The following NKAIN2 variants were observed in gnomAD, a reference collection of about 807,000 sequenced individuals.
NKAIN2 encodes the protein sodium/potassium transporting ATPase interacting 2, also known as sodium/potassium-transporting ATPase subunit beta-1-interacting protein 2.
In NKAIN2, 14 loss-of-function variants were observed where a neutral mutation model predicts 32.6. The ratio of observed to expected loss-of-function variants is 0.43; its 90% CI spans 0.28 to 0.67. NKAIN2 has a LOEUF of 0.67. Ranked by LOEUF, NKAIN2 falls within the 30% of genes least tolerant of loss-of-function variation. The pLI, the probability that NKAIN2 is intolerant of heterozygous loss-of-function variation, is 0.17. For synonymous variants in NKAIN2, 80 were observed against 87.2 expected (o/e 0.92, Z 0.46); for missense variants, 198 against 258.3 (o/e 0.77, Z 1.60).
intron 4 of NKAIN2, among the ~76,000 whole-genome samples, chr6:124,693,281 T>C (rs2114544720): frequency 6.6e-6 from 1 of 152,332 alleles, no homozygotes; most frequent in East Asian, 1.9e-4. Context: ...TACAATTGCC[T>C]ACACCATTCA....
At chr6:123,991,625 G>C (rs1033627869) in intron 1 of NKAIN2, among the ~76,000 whole-genome samples, 1 of 152,132 alleles carries the variant, frequency 6.6e-6, no homozygotes, top group African/African-American at 2.4e-5. Context: ...CACTTTGGGA[G>C]GCCTAGGTGG....
intron 1 of NKAIN2, among the ~76,000 whole-genome samples, chr6:123,812,540 T>C (rs1773518859): frequency 1.3e-5 from 2 of 152,304 alleles, no homozygotes; most frequent in South Asian, 4.1e-4. Flanking sequence ...CAAGTCCAAT[T>C]GCTGATGTTG....
chr6:124,687,429 ATAC>A (rs1249659315), intron 4 of NKAIN2, among the ~76,000 whole-genome samples: 464 of 3,104 alleles, frequency 0.15, 29 homozygotes, highest in African/African-American at 0.37. Flanking sequence ...TATTCCATGT[ATAC>A]CATATACATA....
intron 4 of NKAIN2, among the ~76,000 whole-genome samples, chr6:124,678,616 T>C (rs956920945): frequency 1.3e-5 from 2 of 152,200 alleles, no homozygotes; most frequent in African/African-American, 4.8e-5. Context: ...TGTTCACCCA[T>C]TGTTTTCCTG....
chr6:123,912,113 T>C (rs1358664456), intron 1 of NKAIN2, among the ~76,000 whole-genome samples: 2 of 151,798 alleles, frequency 1.3e-5, no homozygotes, highest in East Asian at 1.9e-4. Context: ...CCAATTTCCA[T>C]GTTTTACCTT....
intron 1 of NKAIN2, among the ~76,000 whole-genome samples, chr6:124,012,967 C>T (rs1780403554): frequency 6.6e-6 from 1 of 152,036 alleles, no homozygotes; most frequent in Non-Finnish European, 1.5e-5. Flanking sequence ...ATGTGAATTC[C>T]AAATATCCTA....
chr6:124,680,061 C>A (rs1204059030), intron 4 of NKAIN2, among the ~76,000 whole-genome samples: 1 of 137,526 alleles, frequency 7.3e-6, no homozygotes, highest in Non-Finnish European at 1.6e-5. Flanking sequence ...CTCTTATGTG[C>A]TATATTTTCT....
chr6:123,939,655 G>T (rs1230292528), intron 1 of NKAIN2, among the ~76,000 whole-genome samples: 2 of 151,872 alleles, frequency 1.3e-5, no homozygotes, highest in Non-Finnish European at 2.9e-5. Context: ...AAAAAGTTGT[G>T]ATTGACAAAA....
At chr6:124,208,057 C>T (rs1790984901) in intron 1 of NKAIN2, among the ~76,000 whole-genome samples, 1 of 151,672 alleles carries the variant, frequency 6.6e-6, no homozygotes, top group South Asian at 2.1e-4. Flanking sequence ...AGGTTTTTGT[C>T]TTGGTGGCTG....
At chr6:124,389,089 T>C (rs1773034614) in intron 3 of NKAIN2, among the ~76,000 whole-genome samples, 2 of 152,120 alleles carry the variant, frequency 1.3e-5, no homozygotes, top group Non-Finnish European at 2.9e-5. Context: ...AAATTATATA[T>C]TGATGAATTC....
At chr6:124,289,419 G>C (rs1444797276) in intron 2 of NKAIN2, among the ~76,000 whole-genome samples, 1 of 152,010 alleles carries the variant, frequency 6.6e-6, no homozygotes, top group Non-Finnish European at 1.5e-5. Flanking sequence ...ACATGGTAAA[G>C]GATCCCCATG....
At chr6:123,911,810 T>TACACAAAC (rs1375455189) in intron 1 of NKAIN2, among the ~76,000 whole-genome samples, 1 of 94,312 alleles carries the variant, frequency 1.1e-5, no homozygotes, top group African/African-American at 5.6e-5. Flanking sequence ...TGTATATATA[T>TACACAAAC]ATACACACAC....
At chr6:123,909,200 C>G (rs957087547) in intron 1 of NKAIN2, among the ~76,000 whole-genome samples, 4 of 152,124 alleles carry the variant, frequency 2.6e-5, no homozygotes, top group Non-Finnish European at 5.9e-5. Flanking sequence ...AATCTGTGCC[C>G]TATCTACCAT....
At chr6:124,143,610 T>G (rs996649114) in intron 1 of NKAIN2, among the ~76,000 whole-genome samples, 1 of 152,210 alleles carries the variant, frequency 6.6e-6, no homozygotes, top group African/African-American at 2.4e-5. Context: ...TTGGAATATG[T>G]CAAGATGACT....
At chr6:124,653,739 AT>A (rs1784446843) in intron 3 of NKAIN2, among the ~76,000 whole-genome samples, 2 of 152,164 alleles carry the variant, frequency 1.3e-5, no homozygotes, top group African/African-American at 4.8e-5. Flanking sequence ...GGTAGAAAAT[AT>A]TGCAAAAGAC....
chr6:123,993,886 A>G (rs1486565504), intron 1 of NKAIN2, among the ~76,000 whole-genome samples: 1 of 152,204 alleles, frequency 6.6e-6, no homozygotes, highest in Non-Finnish European at 1.5e-5. Flanking sequence ...CCATGCTACA[A>G]CTAAAATATA....
intron 1 of NKAIN2, among the ~76,000 whole-genome samples, chr6:123,902,640 A>G (rs1774659311): frequency 6.6e-6 from 1 of 152,214 alleles, no homozygotes. Context: ...ATGATTGCAG[A>G]ATTAATTTAA....
At chr6:124,059,284 G>A (rs777957106) in intron 1 of NKAIN2, among the ~76,000 whole-genome samples, 6 of 151,868 alleles carry the variant, frequency 4.0e-5, no homozygotes, top group Non-Finnish European at 8.8e-5. Flanking sequence ...CTTATGTCTT[G>A]GGCACCTTCT....
rs1014394166 is a variant in NKAIN2 at position 124,046,872 on chromosome 6, A to G, written c.55-236133A>G. ...CAAAGAAATATAACTTTTCTAATCT[A>G]TGCCAGAATGCAATTTCTAAATCCA... is the stretch of plus-strand genomic sequence containing the variant. On this transcript the variant is annotated intron_variant, in intron 1 of 6. Coordinates refer to ENST00000368417, the MANE Select transcript of NKAIN2 (RefSeq NM_001040214.3). Among the ~76,000 whole-genome samples, 3 of 152,024 alleles carry G rather than the reference A, an allele frequency of 2.0e-5. No individual in the cohort carries two copies. In the South Asian group the frequency reaches 6.2e-4, roughly 32 times the overall value.
Sources: gnomAD v4.1 joint callset for allele counts (sites outside exome capture counted in the v4.1 genomes callset) on GRCh38, gnomAD v4.1.1 for gene constraint, MANE v1.5 for transcripts, NCBI Gene and HGNC (gene_info 2026-07-23, HGNC 2026-07-21) for gene names.